ARHGAP10: variants seen among roughly 807,000 people sequenced by gnomAD.
The protein encoded by ARHGAP10 is rho GTPase-activating protein 10.
ARHGAP10 carries 87 observed loss-of-function variants against 108.6 expected under a neutral mutation model. The ratio of observed to expected loss-of-function variants is 0.80; its 90% confidence interval spans 0.67 to 0.96. The LOEUF (loss-of-function observed/expected upper bound fraction) is 0.96, where lower values mean the gene tolerates loss of function less well. ARHGAP10 is among the 40% of genes least tolerant of loss of function. The probability of loss-of-function intolerance (pLI) is 0.00; values close to 1 mark genes in which losing one functional copy is unlikely to be tolerated. For synonymous variants in ARHGAP10, 347 were observed against 341.1 expected (o/e 1.02, Z -0.19); for missense variants, 939 against 954.5 (o/e 0.98, Z 0.21).
intron 16 of ARHGAP10, among the ~76,000 whole-genome samples, chr4:147,962,969 T>G (rs898708706): frequency 1.3e-5 from 2 of 152,178 alleles, no homozygotes; most frequent in African/African-American, 4.8e-5. Context: ...CCACCACTCC[T>G]TTCATTTCTT....
chr4:147,949,032 T>A (rs1738495936), intron 15 of ARHGAP10, among the ~76,000 whole-genome samples: 1 of 152,080 alleles, frequency 6.6e-6, no homozygotes, highest in South Asian at 2.1e-4. Flanking sequence ...ATTCTTTCTG[T>A]TGTTTCCCAT....
At chr4:148,040,404 C>T (rs190679208) in intron 19 of ARHGAP10, among the ~76,000 whole-genome samples, 12 of 152,200 alleles carry the variant, frequency 7.9e-5, no homozygotes, top group African/African-American at 2.2e-4. Flanking sequence ...TACAGTCATG[C>T]GATCTCAGCT....
chr4:148,072,408 T>C lies in ARHGAP10; in HGVS notation c.*327T>C. On this transcript the variant is annotated 3_prime_UTR_variant, in exon 23 of 23. Transcript: ENST00000336498. ...CTTCTGCCACCTGTGTCGCCTCCAC[T>C]GGCAGTCACGCCACCAGAGCCACCC... 3.6e-6 allele frequency: 1 copy of C among 275,994 alleles called. No homozygotes were observed. Among genetic ancestry groups the C allele is most frequent in the Non-Finnish European group, 6.8e-6 (1 of 147,910 alleles). The allele number at this position is 275,994 out of a possible 1,614,324, so 17.1% of individuals were successfully genotyped here.
At chr4:147,910,223 A>T (rs1181632569) in intron 12 of ARHGAP10, among the ~76,000 whole-genome samples, 1 of 151,610 alleles carries the variant, frequency 6.6e-6, no homozygotes, top group African/African-American at 2.4e-5. Flanking sequence ...GGATCTTGCT[A>T]TGTTGTCCAG....
At chr4:148,020,508 G>T (rs1439388151) in intron 18 of ARHGAP10, among the ~76,000 whole-genome samples, 2 of 149,194 alleles carry the variant, frequency 1.3e-5, no homozygotes, top group African/African-American at 5.0e-5. Context: ...GGTTCTCTTT[G>T]TTCAGCTCCT....
At chr4:147,745,537 G>T (rs2126684473) in intron 1 of ARHGAP10, 1 of 154,678 alleles carries the variant, frequency 6.5e-6, no homozygotes, top group South Asian at 2.0e-4. Flanking sequence ...TGTCACCCAG[G>T]CTGGAGTGCA....
chr4:147,906,939 G>A (rs1663047560), intron 11 of ARHGAP10, among the ~76,000 whole-genome samples: 1 of 152,088 alleles, frequency 6.6e-6, no homozygotes, highest in South Asian at 2.1e-4. Flanking sequence ...GTATTTTCTT[G>A]ACTTGCCACT....
chr4:147,845,707 T>C (rs1454862922), intron 3 of ARHGAP10, among the ~76,000 whole-genome samples: 1 of 152,212 alleles, frequency 6.6e-6, no homozygotes, highest in Non-Finnish European at 1.5e-5. Flanking sequence ...TTGGGATCAC[T>C]AGTTGGGTAG....
At chr4:147,757,013 G>A (rs1729402104) in intron 1 of ARHGAP10, among the ~76,000 whole-genome samples, 1 of 151,868 alleles carries the variant, frequency 6.6e-6, no homozygotes, top group Non-Finnish European at 1.5e-5. Context: ...GTTGCAGAGA[G>A]AGTGAGAGCG....
intron 18 of ARHGAP10, among the ~76,000 whole-genome samples, chr4:148,022,542 C>G (rs146071495): frequency 2.6e-5 from 4 of 152,298 alleles, no homozygotes; most frequent in South Asian, 2.1e-4. Flanking sequence ...GTGTGATATG[C>G]TTTCTTTGTG....
At chr4:148,065,818 A>G (rs967635500) in intron 22 of ARHGAP10, among the ~76,000 whole-genome samples, 17 of 152,264 alleles carry the variant, frequency 1.1e-4, no homozygotes, top group Admixed American at 3.3e-4. Context: ...GCTGCAGGTA[A>G]CAAAAATTGA....
chr4:148,022,869 CCAA>C (rs1317891144), intron 18 of ARHGAP10, among the ~76,000 whole-genome samples: 1 of 152,130 alleles, frequency 6.6e-6, no homozygotes, highest in Non-Finnish European at 1.5e-5. Context: ...AAAATTGAGG[CCAA>C]CGTTTTGGTG....
intron 15 of ARHGAP10, among the ~76,000 whole-genome samples, chr4:147,947,888 C>T (rs112106940): frequency 0.012 from 1,781 of 151,074 alleles, 19 homozygotes; most frequent in Non-Finnish European, 0.018. Context: ...TATCCTGCTT[C>T]TTGAGTTATC....
chr4:147,991,971 C>A (rs923668747), intron 18 of ARHGAP10, among the ~76,000 whole-genome samples: 1 of 152,186 alleles, frequency 6.6e-6, no homozygotes, highest in Non-Finnish European at 1.5e-5. Context: ...GAATTGTCAG[C>A]CACATTCAAA....
chr4:147,973,242 C>A (rs1313898060), intron 18 of ARHGAP10, among the ~76,000 whole-genome samples: 2 of 152,092 alleles, frequency 1.3e-5, no homozygotes, highest in Admixed American at 1.3e-4. Flanking sequence ...ACCACTAGTG[C>A]CTGAGTTTTA....
intron 10 of ARHGAP10, among the ~76,000 whole-genome samples, chr4:147,890,022 A>G (rs181577042): frequency 7.9e-5 from 12 of 152,222 alleles, no homozygotes; most frequent in Non-Finnish European, 1.6e-4. Flanking sequence ...GACAGCATAT[A>G]GCACTGTTCC....
intron 1 of ARHGAP10, among the ~76,000 whole-genome samples, chr4:147,814,188 C>T (rs887702027): frequency 1.2e-4 from 18 of 152,116 alleles, no homozygotes; most frequent in Admixed American, 8.5e-4. Flanking sequence ...GTGATAGATG[C>T]CCAACAAGTC....
At chr4:147,879,423 TG>T in intron 9 of ARHGAP10, 85 bp downstream of exon 9, 1 of 1,156,584 alleles carries the variant, frequency 8.6e-7, no homozygotes, top group Non-Finnish European at 1.2e-6. Flanking sequence ...TATATTTTAA[TG>T]GTTTATATTC....
intron 13 of ARHGAP10, among the ~76,000 whole-genome samples, chr4:147,932,756 G>A (rs1275351452): frequency 1.2e-4 from 18 of 152,064 alleles, no homozygotes; most frequent in African/African-American, 1.7e-4. Flanking sequence ...TATGGCACAC[G>A]TTTACTTATG....
Sources: allele counts gnomAD v4.1 joint callset (sites outside exome capture counted in the v4.1 genomes callset), GRCh38; gene constraint gnomAD v4.1.1; transcripts MANE v1.5; gene names NCBI Gene and HGNC (gene_info 2026-07-23, HGNC 2026-07-21).